The following SH3RF3 variants were observed in gnomAD, a reference collection of about 807,000 sequenced individuals.
SH3RF3 encodes SH3 domain containing ring finger 3, also known as E3 ubiquitin-protein ligase SH3RF3.
In SH3RF3, 29 loss-of-function variants were observed where a neutral mutation model predicts 66.3. The observed-to-expected ratio is 0.44, with a 90% CI of 0.33 to 0.60. The LOEUF (loss-of-function observed/expected upper bound fraction) is 0.60, where lower values mean the gene tolerates loss of function less well. Among genes scored for constraint, SH3RF3 ranks in the 20% least tolerant of loss-of-function variants. The pLI is 0.04. For missense variants in SH3RF3, 1,194 were observed against 1,190.9 expected (o/e 1.00, Z -0.04); for synonymous variants, 583 against 532.0 (o/e 1.10, Z -1.32).
rs140521141 is a variant in SH3RF3 at position 109,321,247 on chromosome 2, A to G, written c.574-26427A>G. On this transcript the variant is annotated intron_variant, in intron 1 of 9. Coordinates refer to ENST00000309415, the MANE Select transcript of SH3RF3 (RefSeq NM_001099289.3). ...ACCTTATATCCTCGGATTCACTTTTAATTAGGCTGTTCTCATTAAAACGCC... is the reference window on the plus strand; with the variant it reads ...ACCTTATATCCTCGGATTCACTTTTGATTAGGCTGTTCTCATTAAAACGCC... Among the ~76,000 whole-genome samples, 188 of 152,336 alleles carry G rather than the reference A, an allele frequency of 1.2e-3. 2 individuals are homozygous for G. The Middle Eastern group carries it at 0.024, about 19-fold the overall frequency.
chr2:109,345,446 GT>G (rs1431942491), intron 1 of SH3RF3, among the ~76,000 whole-genome samples: 3 of 152,180 alleles, frequency 2.0e-5, no homozygotes, highest in Non-Finnish European at 4.4e-5. Context: ...GGTAGCAAAA[GT>G]CGCCAAACAG....
chr2:109,453,944 G>A (rs1677962405), intron 8 of SH3RF3, among the ~76,000 whole-genome samples: 1 of 152,200 alleles, frequency 6.6e-6, no homozygotes, highest in Admixed American at 6.5e-5. Context: ...GAGGTAGCAG[G>A]CAGCCCTGGG....
intron 1 of SH3RF3, among the ~76,000 whole-genome samples, chr2:109,201,653 A>G (rs557267818): frequency 2.7e-4 from 41 of 152,266 alleles, no homozygotes; most frequent in Non-Finnish European, 5.7e-4. Context: ...TTGTGTCAGG[A>G]GGCAAGTGTC....
Position 109,169,791 on chromosome 2 carries a change from T to C in SH3RF3, c.573+39678T>C, listed in dbSNP as rs192674498. Among the ~76,000 whole-genome samples, 189 of 151,644 alleles carry C rather than the reference T, an allele frequency of 1.2e-3. 1 individual carries two copies. Among genetic ancestry groups the C allele is most frequent in the Admixed American group, 4.2e-3 (64 of 15,250 alleles). On this transcript the variant is annotated intron_variant, in intron 1 of 9. Transcript: ENST00000309415. ...ACACACATGACCCCCCAAAATCAAA[T>C]AGGCTGATAGATTACTCAGAAAAAG...
intron 8 of SH3RF3, among the ~76,000 whole-genome samples, chr2:109,453,106 C>T (rs189615880): frequency 1.3e-5 from 2 of 152,196 alleles, no homozygotes; most frequent in Non-Finnish European, 2.9e-5. Flanking sequence ...GTGCAGGCCT[C>T]TGGGGATAAT....
intron 2 of SH3RF3, among the ~76,000 whole-genome samples, chr2:109,355,716 C>T (rs938690552): frequency 6.6e-5 from 10 of 152,156 alleles, no homozygotes; most frequent in Admixed American, 2.6e-4. Context: ...ACCCTGGGGA[C>T]GCCCTCCTCT....
chr2:109,206,174 A>ATTTTT (rs1452339967), intron 1 of SH3RF3, among the ~76,000 whole-genome samples: 4 of 152,184 alleles, frequency 2.6e-5, no homozygotes, highest in Non-Finnish European at 4.4e-5. Flanking sequence ...ACACAGCACT[A>ATTTTT]TATTTTTAAC....
intron 1 of SH3RF3, among the ~76,000 whole-genome samples, chr2:109,290,938 C>G (rs1016890096): frequency 6.6e-6 from 1 of 152,250 alleles, no homozygotes; most frequent in Non-Finnish European, 1.5e-5. Flanking sequence ...CTGCTTTTTA[C>G]TGTTTTCCTG....
intron 8 of SH3RF3, among the ~76,000 whole-genome samples, chr2:109,485,150 C>T (rs570928363): frequency 6.6e-6 from 1 of 152,204 alleles, no homozygotes; most frequent in Non-Finnish European, 1.5e-5. Flanking sequence ...CCTGACCCAG[C>T]GTTTGGTGTG....
chr2:109,241,559 T>C (rs534360457), intron 1 of SH3RF3, among the ~76,000 whole-genome samples: 1 of 152,254 alleles, frequency 6.6e-6, no homozygotes, highest in South Asian at 2.1e-4. Context: ...CCACACAACC[T>C]TCTTCCCTCC....
At chr2:109,398,540 G>C in intron 3 of SH3RF3, 50 bp from the exon 4 acceptor site, 2 of 1,460,698 alleles carry the variant, frequency 1.4e-6, no homozygotes, top group Non-Finnish European at 1.8e-6. Context: ...GGCTGGTGTG[G>C]CATGTGACCA....
intron 2 of SH3RF3, among the ~76,000 whole-genome samples, chr2:109,355,367 C>T (rs1160544990): frequency 1.3e-5 from 2 of 152,202 alleles, no homozygotes; most frequent in East Asian, 3.8e-4. Flanking sequence ...TTAGTTCACT[C>T]ATCTACATCA....
intron 8 of SH3RF3, among the ~76,000 whole-genome samples, chr2:109,473,982 T>C (rs1173556826): frequency 6.6e-6 from 1 of 152,150 alleles, no homozygotes; most frequent in Non-Finnish European, 1.5e-5. Flanking sequence ...TCCTGGAAGG[T>C]GCTGGAGGCC....
chr2:109,149,378 TC>T (rs2104864155), intron 1 of SH3RF3, among the ~76,000 whole-genome samples: 1 of 152,344 alleles, frequency 6.6e-6, no homozygotes, highest in South Asian at 2.1e-4. Context: ...GCAGAGACTT[TC>T]GTTATTAATA....
intron 1 of SH3RF3, among the ~76,000 whole-genome samples, chr2:109,335,982 T>C (rs939551983): frequency 1.3e-5 from 2 of 152,216 alleles, no homozygotes; most frequent in Non-Finnish European, 2.9e-5. Context: ...AGCACGATGT[T>C]GTCGAGACAT....
chr2:109,249,651 T>C (rs1209705811), intron 1 of SH3RF3, among the ~76,000 whole-genome samples: 2 of 149,064 alleles, frequency 1.3e-5, no homozygotes, highest in Non-Finnish European at 3.0e-5. Context: ...GTTTCTCTCT[T>C]TCTTTCTTTC....
chr2:109,457,925 A>G (rs2104670755), intron 8 of SH3RF3, among the ~76,000 whole-genome samples: 1 of 152,336 alleles, frequency 6.6e-6, no homozygotes, highest in Admixed American at 6.5e-5. Flanking sequence ...AACATTCCAC[A>G]GCACTTGCCA....
intron 1 of SH3RF3, among the ~76,000 whole-genome samples, chr2:109,270,618 C>T (rs1272306722): frequency 1.3e-5 from 2 of 152,158 alleles, no homozygotes; most frequent in Non-Finnish European, 2.9e-5. Context: ...GGGTGCAGGG[C>T]ATGACCCAGA....
chr2:109,293,191 T>G (rs1681228661), intron 1 of SH3RF3, among the ~76,000 whole-genome samples: 1 of 152,188 alleles, frequency 6.6e-6, no homozygotes, highest in Non-Finnish European at 1.5e-5. Flanking sequence ...TGGTGCTGTG[T>G]GGGGCCCTGC....
Sources: allele counts gnomAD v4.1 joint callset (sites outside exome capture counted in the v4.1 genomes callset), GRCh38; gene constraint gnomAD v4.1.1; transcripts MANE v1.5; gene names NCBI Gene and HGNC (gene_info 2026-07-23, HGNC 2026-07-21).